The following ZNF521 variants were observed in gnomAD, a reference collection of about 807,000 sequenced individuals.
The protein encoded by ZNF521 is zinc finger protein 521.
ZNF521 carries 14 observed loss-of-function variants against 105.5 expected under a neutral mutation model. The observed-to-expected ratio is 0.13, with a 90% confidence interval of 0.09 to 0.21. The LOEUF (loss-of-function observed/expected upper bound fraction) is 0.21, where lower values mean the gene tolerates loss of function less well. Among genes scored for constraint, ZNF521 ranks in the 10% least tolerant of loss-of-function variants. ZNF521 has a pLI of 1.00. For synonymous variants in ZNF521, 635 were observed against 606.0 expected (o/e 1.05, Z -0.70); for missense variants, 1,233 against 1,629.7 (o/e 0.76, Z 4.19).
chr18:25,346,854 G>A (rs1766324095), intron 2 of ZNF521, among the ~76,000 whole-genome samples: 2 of 152,198 alleles, frequency 1.3e-5, no homozygotes, highest in Admixed American at 1.3e-4. Flanking sequence ...TATCCTAATT[G>A]TGTCTTGTGT....
At chr18:25,246,045 C>A (rs546256507) in intron 3 of ZNF521, among the ~76,000 whole-genome samples, 15 of 151,994 alleles carry the variant, frequency 9.9e-5, no homozygotes, top group African/African-American at 3.6e-4. Flanking sequence ...ACCGATTGCG[C>A]CACAGGAACA....
At chr18:25,087,036 C>T (rs939206507) in intron 7 of ZNF521, among the ~76,000 whole-genome samples, 4 of 152,112 alleles carry the variant, frequency 2.6e-5, no homozygotes, top group South Asian at 2.1e-4. Flanking sequence ...GTTTTCTAGA[C>T]GCTACCTGAT....
chr18:25,175,288 G>A (rs754533931), intron 5 of ZNF521, among the ~76,000 whole-genome samples: 2 of 152,194 alleles, frequency 1.3e-5, no homozygotes, highest in African/African-American at 2.4e-5. Context: ...TGGAATCCAT[G>A]GGGGTCAGGG....
Position 25,065,170 on chromosome 18 carries a change from G to GT in ZNF521, c.3907-2430dup, listed in dbSNP as rs530125070. ...ATCTCAGAGTCAAGTTTATAGAAAG[G>GT]TTTTTTATTTTTAAAAAGTCCAAAA... On this transcript the variant is annotated intron_variant, in intron 7 of 7. Transcript: ENST00000361524. Among the ~76,000 whole-genome samples the GT allele has an allele frequency of 4.6e-4, 70 of 152,216 alleles. 1 individual carries two copies. In the East Asian group the frequency reaches 0.01, roughly 22 times the overall value.
At chr18:25,179,543 G>C (rs946509124) in intron 5 of ZNF521, among the ~76,000 whole-genome samples, 4 of 152,050 alleles carry the variant, frequency 2.6e-5, no homozygotes, top group African/African-American at 9.7e-5. Context: ...ATAGAGAACT[G>C]TCCTGGAATT....
intron 3 of ZNF521, among the ~76,000 whole-genome samples, chr18:25,295,896 T>C (rs1911295866): frequency 1.3e-5 from 2 of 152,214 alleles, no homozygotes; most frequent in Non-Finnish European, 2.9e-5. Flanking sequence ...AAAGTGGTTC[T>C]ATCCATTTAA....
chr18:25,149,347 A>G (rs4479329), intron 5 of ZNF521, among the ~76,000 whole-genome samples: 144,245 of 152,280 alleles, frequency 0.95, 68,489 homozygotes, highest in Middle Eastern at 0.99. Flanking sequence ...TTCCTATAGT[A>G]AGTATTAAAT....
intron 3 of ZNF521, among the ~76,000 whole-genome samples, chr18:25,258,676 A>G (rs1045199493): frequency 2.0e-5 from 3 of 152,266 alleles, no homozygotes; most frequent in African/African-American, 4.8e-5. Flanking sequence ...CAGCTTTCCT[A>G]TCTTCTTCTC....
intron 5 of ZNF521, among the ~76,000 whole-genome samples, chr18:25,158,238 T>C (rs978376969): frequency 6.6e-6 from 1 of 152,032 alleles, no homozygotes; most frequent in African/African-American, 2.4e-5. Flanking sequence ...AAATATTATA[T>C]TGTATATAGT....
chr18:25,113,793 C>CAG (rs56285004), intron 5 of ZNF521, among the ~76,000 whole-genome samples: 19 of 147,970 alleles, frequency 1.3e-4, no homozygotes, highest in African/African-American at 2.7e-4. Context: ...CACACACACA[C>CAG]AGAGACGGGG....
At chr18:25,066,276 T>A (rs1210044627) in intron 7 of ZNF521, among the ~76,000 whole-genome samples, 2 of 152,148 alleles carry the variant, frequency 1.3e-5, no homozygotes, top group East Asian at 3.9e-4. Flanking sequence ...GCAATGGATA[T>A]ACTTGTGTTG....
intron 2 of ZNF521, among the ~76,000 whole-genome samples, chr18:25,346,725 G>A (rs1442231252): frequency 2.0e-5 from 3 of 152,194 alleles, no homozygotes; most frequent in Non-Finnish European, 4.4e-5. Flanking sequence ...GTTACAAAGG[G>A]TTAGCTACTG....
intron 5 of ZNF521, 37 bp downstream of exon 5, chr18:25,195,123 A>C: frequency 6.9e-7 from 1 of 1,457,706 alleles, no homozygotes; most frequent in Non-Finnish European, 9.5e-7. Flanking sequence ...AAGCAGAAGA[A>C]ACATCTATCT....
intron 5 of ZNF521, among the ~76,000 whole-genome samples, chr18:25,184,471 TGTG>T (rs931251263): frequency 6.6e-6 from 1 of 152,196 alleles, no homozygotes; most frequent in African/African-American, 2.4e-5. Context: ...GAAAATGTCT[TGTG>T]GTGACTTACT....
intron 2 of ZNF521, among the ~76,000 whole-genome samples, chr18:25,336,597 TA>T (rs1568085750): frequency 3.9e-5 from 6 of 152,210 alleles, no homozygotes; most frequent in Admixed American, 3.9e-4. Context: ...TAATTCTATC[TA>T]CGTTGGCAAA....
chr18:25,268,446 A>G (rs1933563371), intron 3 of ZNF521, among the ~76,000 whole-genome samples: 1 of 152,182 alleles, frequency 6.6e-6, no homozygotes, highest in African/African-American at 2.4e-5. Context: ...CCAAAAAGAT[A>G]CTGCTCAAAA....
chr18:25,199,603 T>C (rs1425484655), intron 4 of ZNF521, among the ~76,000 whole-genome samples: 2 of 152,048 alleles, frequency 1.3e-5, no homozygotes, highest in African/African-American at 2.4e-5. Context: ...GAAAAAAACA[T>C]ATATAATCAT....
At chr18:25,105,238 C>T (rs1454282022) in intron 5 of ZNF521, among the ~76,000 whole-genome samples, 2 of 152,152 alleles carry the variant, frequency 1.3e-5, no homozygotes, top group African/African-American at 4.8e-5. Flanking sequence ...CTAGGCATCT[C>T]TCTTTTGAAA....
chr18:25,273,422 A>G (rs1350589576), intron 3 of ZNF521: 1 of 152,110 alleles, frequency 6.6e-6, no homozygotes, highest in Non-Finnish European at 1.5e-5. Flanking sequence ...CAATGTCAGT[A>G]GCAGCAGCAG....
Sources: allele counts gnomAD v4.1 joint callset (sites outside exome capture counted in the v4.1 genomes callset), GRCh38; gene constraint gnomAD v4.1.1; transcripts MANE v1.5; gene names NCBI Gene and HGNC (gene_info 2026-07-23, HGNC 2026-07-21).